Variants in KCNN3 observed in about 807,000 individuals in gnomAD.
The protein encoded by KCNN3 is small conductance calcium-activated potassium channel protein 3.
KCNN3 carries 16 observed loss-of-function variants against 62.9 expected under a neutral mutation model. That is an observed-to-expected ratio of 0.25 (90% CI 0.17 to 0.39). The LOEUF is 0.39. Among genes scored for constraint, KCNN3 ranks in the 10% least tolerant of loss-of-function variants. The pLI, the probability that KCNN3 is intolerant of heterozygous loss-of-function variation, is 1.00. For synonymous variants in KCNN3, 370 were observed against 389.2 expected (o/e 0.95, Z 0.58); for missense variants, 599 against 949.4 (o/e 0.63, Z 4.85).
At position 154,847,172 on chromosome 1, in the gene KCNN3, C is replaced by T. The variant is rs543257668; in HGVS notation, c.933+21860G>A. On this transcript the variant is annotated intron_variant, in intron 1 of 7. Coordinates refer to ENST00000271915, the MANE Select transcript of KCNN3 (RefSeq NM_002249.6). ...TGTGCCAGGCACGTGCTGCTGCTTTCACATCCCTCATCTCCTGGAACCCTC... is the reference window on the plus strand; with the variant it reads ...TGTGCCAGGCACGTGCTGCTGCTTTTACATCCCTCATCTCCTGGAACCCTC... Among the ~76,000 whole-genome samples the T allele has an allele frequency of 2.0e-5, 3 of 152,152 alleles. No homozygotes were observed. In the South Asian group the frequency reaches 6.2e-4, roughly 32 times the overall value.
chr1:154,806,442 C>T (rs1196277526), intron 2 of KCNN3, among the ~76,000 whole-genome samples: 1 of 152,164 alleles, frequency 6.6e-6, no homozygotes, highest in Non-Finnish European at 1.5e-5. Context: ...CAGCATGTGG[C>T]CAGCATTATG....
chr1:154,847,385 T>C lies in KCNN3; in HGVS notation c.933+21647A>G, dbSNP rs143563361. ...AGAGGCCCAGCCAGCCAATGGGAAA[T>C]GCCATCACGGAGGAAGGCACCGAGG... On this transcript the variant is annotated intron_variant, in intron 1 of 7. Coordinates refer to ENST00000271915, the MANE Select transcript of KCNN3 (RefSeq NM_002249.6). 1.1e-3 allele frequency among the ~76,000 whole-genome samples: 161 copies of C among 152,218 alleles called. 2 individuals carry two copies. The highest frequency in any genetic ancestry group is 3.7e-3 in the African/African-American group (155 of 41,526).
chr1:154,714,612 G>GGTGTGTGTGTGT (rs200006853), intron 6 of KCNN3, among the ~76,000 whole-genome samples: 10 of 24,818 alleles, frequency 4.0e-4, no homozygotes, highest in African/African-American at 9.8e-4. Context: ...TGTGGTGTGT[G>GGTGTGTGTGTGT]GTGTGTGTGT....
chr1:154,783,004 A>G (rs1205607002), intron 2 of KCNN3, among the ~76,000 whole-genome samples: 1 of 152,164 alleles, frequency 6.6e-6, no homozygotes, highest in African/African-American at 2.4e-5. Flanking sequence ...TGAGGTCAGG[A>G]GATTGAGAAC....
chr1:154,839,205 CCAT>C (rs1270853137), intron 1 of KCNN3, among the ~76,000 whole-genome samples: 7 of 152,142 alleles, frequency 4.6e-5, no homozygotes, highest in Non-Finnish European at 1.0e-4. Flanking sequence ...GTGCCCACCA[CCAT>C]CGAGTGACCT....
intron 1 of KCNN3, among the ~76,000 whole-genome samples, chr1:154,824,153 C>T (rs913416637): frequency 4.6e-5 from 7 of 152,210 alleles, no homozygotes; most frequent in South Asian, 2.1e-4. Context: ...TCTGATCTGG[C>T]TTATTCACTA....
At chr1:154,819,017 G>A (rs1469129106) in intron 2 of KCNN3, among the ~76,000 whole-genome samples, 1 of 152,232 alleles carries the variant, frequency 6.6e-6, no homozygotes, top group African/African-American at 2.4e-5. Flanking sequence ...AAAGCTGTGA[G>A]CAGATTCCTA....
chr1:154,832,887 C>A (rs1254708418), intron 1 of KCNN3, among the ~76,000 whole-genome samples: 1 of 152,210 alleles, frequency 6.6e-6, no homozygotes, highest in Non-Finnish European at 1.5e-5. Flanking sequence ...AGATTCTCTG[C>A]AGGAGCTGTG....
intron 2 of KCNN3, among the ~76,000 whole-genome samples, chr1:154,792,195 G>A (rs1374889511): frequency 6.6e-6 from 1 of 152,208 alleles, no homozygotes; most frequent in African/African-American, 2.4e-5. Flanking sequence ...GGGTCAGGTG[G>A]TCACACAGCA....
rs569333544 is a variant in KCNN3 at position 154,713,602 on chromosome 1, C to T, written c.1830-69G>A. 7.0e-6 allele frequency: 9 copies of T among 1,283,722 alleles called. No individual in the cohort carries two copies. In the African/African-American group the frequency reaches 1.2e-4, roughly 17 times the overall value. The allele number at this position is 1,283,722 out of a possible 1,614,324, so 79.5% of individuals were successfully genotyped here. On this transcript the variant is annotated intron_variant, in intron 6 of 7. Coordinates refer to ENST00000271915, the MANE Select transcript of KCNN3 (RefSeq NM_002249.6). ...AAAGGTTTAGCCCCACCAGCAGATC[C>T]TCCAGCCCTACCACTGCCTCTGATT...
intron 1 of KCNN3, among the ~76,000 whole-genome samples, chr1:154,848,189 C>T (rs573414264): frequency 8.9e-4 from 135 of 152,284 alleles, no homozygotes; most frequent in Middle Eastern, 3.4e-3. Context: ...ATGCTCGCTG[C>T]TTGTCATTCT....
Position 154,826,080 on chromosome 1 carries a change from CA to C in KCNN3, c.934-3897del, listed in dbSNP as rs1651112313. On this transcript the variant is annotated intron_variant, in intron 1 of 7. Transcript: ENST00000271915. ...ACAAAAACAAAAACAAAAACAAAAA[CA>C]AAAACAAAAAAAACCAAAAAACACT... is the stretch of plus-strand genomic sequence containing the variant. Among the ~76,000 whole-genome samples the C allele has an allele frequency of 1.4e-3, 20 of 14,610 alleles. 1 individual carries two copies. The highest frequency in any genetic ancestry group is 9.6e-3 in the Admixed American group (9 of 942). The allele number at this position is 14,610 out of a possible 152,430, so 9.6% of individuals were successfully genotyped here.
rs920649414 is a variant in KCNN3 at position 154,862,764 on chromosome 1, C to T, written c.933+6268G>A. 2.0e-5 allele frequency among the ~76,000 whole-genome samples: 3 copies of T among 152,164 alleles called. No individual in the cohort carries two copies. The highest frequency in any genetic ancestry group is 4.4e-5 in the Non-Finnish European group (3 of 68,028). On this transcript the variant is annotated intron_variant, in intron 1 of 7. Transcript: ENST00000271915. This position sits in a 1 kb window ranked among gnomAD's most constrained non-coding sequence, Gnocchi z 4.1. ...AGCACTGTCTTCTCCAGGACCTGCG[C>T]CAGCATCTCCCGCCCTCCATCAAGC...
At chr1:154,762,908 T>G (rs1378344440) in intron 3 of KCNN3, among the ~76,000 whole-genome samples, 1 of 152,222 alleles carries the variant, frequency 6.6e-6, no homozygotes, top group Admixed American at 6.5e-5. Context: ...TTGAATAATC[T>G]ATCGCTTCCC....
chr1:154,714,545 T>TGTGTGTGTGTG (rs762575305), intron 6 of KCNN3, among the ~76,000 whole-genome samples: 2 of 76,996 alleles, frequency 2.6e-5, no homozygotes, highest in Non-Finnish European at 5.2e-5. Context: ...GTGTGTGGGG[T>TGTGTGTGTGTG]GTGTGTGTGT....
At chr1:154,724,285 G>T (rs909027662) in intron 5 of KCNN3, among the ~76,000 whole-genome samples, 2 of 152,042 alleles carry the variant, frequency 1.3e-5, no homozygotes, top group African/African-American at 4.8e-5. Flanking sequence ...CTCTCTTTTT[G>T]TTCTTCCTTC....
intron 1 of KCNN3, chr1:154,867,838 T>C (rs1018935966): frequency 2.3e-6 from 1 of 428,672 alleles, no homozygotes; most frequent in African/African-American, 2.2e-5. Flanking sequence ...CACCAACAAA[T>C]TGGGGGTGGG....
At chr1:154,773,130 A>G (rs1484358779) in intron 2 of KCNN3, among the ~76,000 whole-genome samples, 1 of 152,000 alleles carries the variant, frequency 6.6e-6, no homozygotes, top group African/African-American at 2.4e-5. Context: ...TGGGTACAGT[A>G]CCCAATAGTT....
chr1:154,729,322 G>A (rs1700541501), intron 4 of KCNN3, among the ~76,000 whole-genome samples: 1 of 152,162 alleles, frequency 6.6e-6, no homozygotes, highest in Admixed American at 6.5e-5. Context: ...CCAACTTCCA[G>A]TTCCATGGGG....
Sources: gnomAD v4.1 joint callset for allele counts (sites outside exome capture counted in the v4.1 genomes callset) on GRCh38, gnomAD v4.1.1 for gene constraint, Gnocchi (gnomAD v3.1) non-coding constraint, MANE v1.5 for transcripts, NCBI Gene and HGNC (gene_info 2026-07-23, HGNC 2026-07-21) for gene names.